The following DNAI4 variants were observed in gnomAD, a reference collection of about 807,000 sequenced individuals.
DNAI4 encodes the protein dynein axonemal intermediate chain 4.
In DNAI4, 85 loss-of-function variants were observed where a neutral mutation model predicts 105.8. That is an observed-to-expected ratio of 0.80 (90% CI 0.67 to 0.96). DNAI4 has a LOEUF of 0.96. Ranked by LOEUF, DNAI4 falls within the 40% of genes least tolerant of loss-of-function variation. DNAI4 has a pLI of 0.00. For synonymous variants in DNAI4, 352 were observed against 331.5 expected, an observed-to-expected ratio of 1.06 and a Z score of -0.67; for missense variants, 1,014 against 1,005.6, an observed-to-expected ratio of 1.01 and a Z score of -0.11.
At chr1:66,876,939 G>A (rs1200764763) in intron 4 of DNAI4, among the ~76,000 whole-genome samples, 1 of 152,172 alleles carries the variant, frequency 6.6e-6, no homozygotes, top group Non-Finnish European at 1.5e-5. Flanking sequence ...TCCTGAAGTG[G>A]TCTAGAACCT....
At chr1:66,833,156 C>T (rs769404542) in intron 13 of DNAI4, among the ~76,000 whole-genome samples, 20 of 152,080 alleles carry the variant, frequency 1.3e-4, no homozygotes, top group Non-Finnish European at 2.4e-4. Context: ...CTAGAATGTA[C>T]CATTCCACCT....
chr1:66,893,077 G>GA (rs1557965477), intron 3 of DNAI4, 152 bp downstream of exon 3: 1 of 367,572 alleles, frequency 2.7e-6, no homozygotes, highest in African/African-American at 2.4e-5. Context: ...AAGAAAGAAA[G>GA]AAAGAAAGAA....
At chr1:66,823,353 A>G (rs978211564) in intron 15 of DNAI4, among the ~76,000 whole-genome samples, 3 of 151,976 alleles carry the variant, frequency 2.0e-5, no homozygotes, top group Non-Finnish European at 4.4e-5. Flanking sequence ...ATTGTGAATA[A>G]TGCCGCAATA....
intron 7 of DNAI4, among the ~76,000 whole-genome samples, chr1:66,850,135 A>G (rs1187532610): frequency 5.7e-5 from 6 of 104,592 alleles, no homozygotes; most frequent in African/African-American, 1.6e-4. Flanking sequence ...TTCTAAAAAC[A>G]GAAGACCAAA....
rs1454367505 is a variant in DNAI4 at position 66,907,986 on chromosome 1, C to T, written c.171-2611G>A. 3.3e-5 allele frequency among the ~76,000 whole-genome samples: 5 copies of T among 152,302 alleles called. No individual in the cohort carries two copies. In the South Asian group the frequency reaches 6.2e-4, roughly 19 times the overall value. On this transcript the variant is annotated intron_variant, in intron 1 of 16. Coordinates refer to ENST00000371026, the MANE Select transcript of DNAI4 (RefSeq NM_024763.5). ...TACCATCTTTCTCATGCCATCTCTTCCCTCTTGAGGTTATGGTTAGTTACT... is the reference window on the plus strand; with the variant it reads ...TACCATCTTTCTCATGCCATCTCTTTCCTCTTGAGGTTATGGTTAGTTACT...
At chr1:66,893,649 A>G (rs1477390888) in intron 2 of DNAI4, among the ~76,000 whole-genome samples, 1 of 152,226 alleles carries the variant, frequency 6.6e-6, no homozygotes, top group African/African-American at 2.4e-5. Context: ...AATATATATT[A>G]ACTTTAGGAA....
At chr1:66,841,559 C>T (rs906237986) in intron 8 of DNAI4, among the ~76,000 whole-genome samples, 11 of 151,998 alleles carry the variant, frequency 7.2e-5, no homozygotes, top group Non-Finnish European at 1.0e-4. Flanking sequence ...GAGATGGGGG[C>T]GGGGGTCTTA....
At chr1:66,870,486 C>A (rs547055419) in intron 6 of DNAI4, among the ~76,000 whole-genome samples, 4 of 148,914 alleles carry the variant, frequency 2.7e-5, no homozygotes, top group Non-Finnish European at 4.4e-5. Flanking sequence ...CACAGTGGCT[C>A]ATGCCTGTAA....
intron 1 of DNAI4, among the ~76,000 whole-genome samples, chr1:66,920,091 GCCCGCCCT>G (rs1360704632): frequency 5.9e-5 from 9 of 152,094 alleles, no homozygotes; most frequent in Non-Finnish European, 1.2e-4. Context: ...ACCACCCATG[GCCCGCCCT>G]GTCCCACTAT....
At chr1:66,840,708 A>G in intron 8 of DNAI4, 37 bp from the exon 9 acceptor site, 1 of 1,607,890 alleles carries the variant, frequency 6.2e-7, no homozygotes, top group South Asian at 1.1e-5. Context: ...ATTGTCCTCT[A>G]CATCTATAGG....
At chr1:66,824,589 C>A in intron 15 of DNAI4, among the ~76,000 whole-genome samples, 1 of 151,408 alleles carries the variant, frequency 6.6e-6, no homozygotes, top group South Asian at 2.1e-4. Flanking sequence ...TTTCCTTGAG[C>A]AGTGGTTTGT....
At chr1:66,833,032 G>A (rs1050869124) in intron 13 of DNAI4, among the ~76,000 whole-genome samples, 3 of 152,056 alleles carry the variant, frequency 2.0e-5, no homozygotes, top group Non-Finnish European at 2.9e-5. Context: ...GGGGCAGGGA[G>A]AGGCACTTGA....
rs182343786 is a variant in DNAI4, at chr1:66,910,204, C to A, written c.171-4829G>T. On this transcript the variant is annotated intron_variant, in intron 1 of 16. Transcript: ENST00000371026. ...CTCCAGCCTGGGCAACAGAGCGAGA[C>A]CCTGTCTCAAACAAATATAGAACAA... is the stretch of plus-strand genomic sequence containing the variant. Among the ~76,000 whole-genome samples the A allele has an allele frequency of 6.6e-5, 10 of 151,882 alleles. No homozygotes were observed. The East Asian group carries it at 1.9e-3, about 29-fold the overall frequency.
In DNAI4 at chr1:66,833,609, T is replaced by C; in HGVS notation, c.1989A>G (p.Gly663=). ...CCTTGGGATGAAAAGCAAAACACAT[T>C]CCAGGAGCCTGTCGAGATATCAAAG... is the stretch of plus-strand genomic sequence containing the variant. ...DEALISRQAP[G]MCFAFHPKDT... The change falls in exon 13 of 17, where the codon GGA becomes GGG. Residue 663 remains glycine (G), a synonymous_variant. Transcript: ENST00000371026. The C allele has an allele frequency of 6.2e-7, 1 of 1,613,318 alleles. No homozygotes were observed. Among genetic ancestry groups the C allele is most frequent in the Non-Finnish European group, 8.5e-7 (1 of 1,179,532 alleles).
intron 1 of DNAI4, among the ~76,000 whole-genome samples, chr1:66,909,442 A>T (rs186740409): frequency 4.7e-4 from 71 of 150,708 alleles, no homozygotes; most frequent in Admixed American, 2.4e-3. Flanking sequence ...CAATGTTTTC[A>T]TCTTTCTTAT....
chr1:66,842,148 CT>C (rs1243496287), intron 8 of DNAI4, among the ~76,000 whole-genome samples: 3 of 152,174 alleles, frequency 2.0e-5, no homozygotes, highest in African/African-American at 7.2e-5. Context: ...TCCAGGTCTG[CT>C]TCTGGCTTGA....
rs145404448 is a variant in DNAI4, at chr1:66,848,325, T to G, written c.1097-647A>C. The G allele has an allele frequency of 1.3e-4, 60 of 452,966 alleles. 1 individual carries two copies. In the East Asian group the frequency reaches 4.2e-3, roughly 32 times the overall value. The allele number at this position is 452,966 out of a possible 1,614,324, so 28.1% of individuals were successfully genotyped here. On this transcript the variant is annotated intron_variant, in intron 7 of 16. Transcript: ENST00000371026. ...CCCAGACCACAGCTGGAAAAGATCT[T>G]TTACTTTTTAGTACCCCATGTGATT...
At chr1:66,854,063 A>T (rs530607869) in intron 7 of DNAI4, among the ~76,000 whole-genome samples, 15 of 152,332 alleles carry the variant, frequency 9.8e-5, no homozygotes, top group African/African-American at 3.6e-4. Context: ...CTGTATTTCT[A>T]AATACTACCA....
chr1:66,859,726 A>G (rs982336165), intron 7 of DNAI4, among the ~76,000 whole-genome samples: 9 of 152,190 alleles, frequency 5.9e-5, no homozygotes, highest in African/African-American at 2.2e-4. Flanking sequence ...GTATGACTCC[A>G]ACTATATGAC....
Sources: allele counts gnomAD v4.1 joint callset (sites outside exome capture counted in the v4.1 genomes callset), GRCh38; gene constraint gnomAD v4.1.1; transcripts MANE v1.5; gene names NCBI Gene and HGNC (gene_info 2026-07-23, HGNC 2026-07-21).